The following PCDHGC3 variants were observed in gnomAD, a reference collection of about 807,000 sequenced individuals.
The protein encoded by PCDHGC3 is protocadherin gamma-C3.
Under a neutral mutation model 59.2 loss-of-function variants are expected in PCDHGC3, and 26 were observed. That is an observed-to-expected ratio of 0.44 (90% CI 0.32 to 0.61). The LOEUF (loss-of-function observed/expected upper bound fraction) is 0.61, where lower values mean the gene tolerates loss of function less well. PCDHGC3 is among the 20% of genes least tolerant of loss of function. PCDHGC3 has a pLI of 0.05. For synonymous variants in PCDHGC3, 487 were observed against 519.7 expected (o/e 0.94, Z 0.86); for missense variants, 1,080 against 1,221.8 (o/e 0.88, Z 1.73).
Position 141,491,166 on chromosome 5 carries a change from G to A in PCDHGC3, c.2431-3641G>A. 1 of 1,614,150 alleles carries A rather than the reference G, an allele frequency of 6.2e-7. No individual in the cohort carries two copies. The highest frequency in any genetic ancestry group is 8.5e-7 in the Non-Finnish European group (1 of 1,179,964). ...TACTGGAGGATGACTCTGACACCCA[G>A]CAGGTGGTGGTCCTGGTGAGGGACA... On this transcript the variant is annotated intron_variant, in intron 1 of 3. Transcript: ENST00000308177. The surrounding 1 kb of genome is among the most constrained non-coding windows in gnomAD (Gnocchi z 6.9).
At chr5:141,498,803 C>T (rs916966107) in intron 2 of PCDHGC3, among the ~76,000 whole-genome samples, 5 of 151,982 alleles carry the variant, frequency 3.3e-5, no homozygotes, top group African/African-American at 1.2e-4. Flanking sequence ...TGTGGTGGTG[C>T]ACACCTGTAG....
At chr5:141,484,300 C>G (rs927710366) in intron 1 of PCDHGC3, among the ~76,000 whole-genome samples, 1 of 152,190 alleles carries the variant, frequency 6.6e-6, no homozygotes, top group Non-Finnish European at 1.5e-5. Context: ...CTCCTGGCTT[C>G]CTCCACCCCG....
intron 1 of PCDHGC3, among the ~76,000 whole-genome samples, chr5:141,482,526 C>T (rs1198022164): frequency 1.5e-5 from 1 of 68,582 alleles, no homozygotes; most frequent in African/African-American, 9.7e-5. Flanking sequence ...ATGAGACAGA[C>T]ATGCAAAAAA....
chr5:141,490,405 ATC>A lies in PCDHGC3; in HGVS notation c.2431-4397_2431-4396del, dbSNP rs765446736. 1 of 1,614,142 alleles carries A rather than the reference ATC, an allele frequency of 6.2e-7. No individual in the cohort carries two copies. The highest frequency in any genetic ancestry group is 8.5e-7 in the Non-Finnish European group (1 of 1,180,028). ...TAGAAATGGTGAAGTGAGCCTTGATATCTCTCCGGACCTGCCATTTCAGATTA... is the reference window on the plus strand; with the variant it reads ...TAGAAATGGTGAAGTGAGCCTTGATATCTCCGGACCTGCCATTTCAGATTA... On this transcript the variant is annotated intron_variant, in intron 1 of 3. Transcript: ENST00000308177. The surrounding 1 kb of genome is among the most constrained non-coding windows in gnomAD (Gnocchi z 5.4).
rs756144117 is a variant in PCDHGC3, at chr5:141,485,181, G to A, written c.2430+6635G>A. On this transcript the variant is annotated intron_variant, in intron 1 of 3. Transcript: ENST00000308177. This position sits in a 1 kb window ranked among gnomAD's most constrained non-coding sequence, Gnocchi z 5.7. ...AATTAGCGGGCGGCAGCAATGCTCC[G>A]CAAGGTGAGAAGCTGGACAGAAATC... 3.1e-6 allele frequency: 5 copies of A among 1,612,942 alleles called. No individual in the cohort carries two copies. The South Asian group carries it at 4.4e-5, about 14-fold the overall frequency.
rs1199756501 is a variant in PCDHGC3 at position 141,493,222 on chromosome 5, C to A, written c.2431-1585C>A. Among the ~76,000 whole-genome samples the A allele has an allele frequency of 6.6e-6, 1 of 152,194 alleles. No individual in the cohort carries two copies. Among genetic ancestry groups the A allele is most frequent in the East Asian group, 1.9e-4 (1 of 5,196 alleles). ...ACCTCATCTCATTTGCTCTTCCCAC[C>A]ATTGCTGTTGGCTAGGTACTAACAT... On this transcript the variant is annotated intron_variant, in intron 1 of 3. Coordinates refer to ENST00000308177, the MANE Select transcript of PCDHGC3 (RefSeq NM_002588.4). This position sits in a 1 kb window ranked among gnomAD's most constrained non-coding sequence, Gnocchi z 4.3.
chr5:141,488,606 C>T (rs781116401), intron 1 of PCDHGC3, among the ~76,000 whole-genome samples: 2 of 152,156 alleles, frequency 1.3e-5, no homozygotes, highest in Admixed American at 1.3e-4. Flanking sequence ...TTACAAGGTT[C>T]TTACTAATCT....
chr5:141,505,413 C>T lies in PCDHGC3; in HGVS notation c.2510C>T (p.Thr837Ile), dbSNP rs1240988786. ...CCCAGCTCCCAAAATGGCGATGACA[C>T]CGGCACCTGGCCCAACAACCAGTTT... is the stretch of plus-strand genomic sequence containing the variant. ...GTSGSQNGDD[T>I]GTWPNNQFDT... Residue 837 changes from threonine to isoleucine, a missense_variant, in exon 3 of 4, where the codon ACC becomes ATC. By Grantham distance (89) the Thr-to-Ile change is moderately conservative. Coordinates refer to ENST00000308177, the MANE Select transcript of PCDHGC3 (RefSeq NM_002588.4). 10 of 1,614,202 alleles carry T rather than the reference C, an allele frequency of 6.2e-6. No homozygotes were observed. Among genetic ancestry groups the T allele is most frequent in the Non-Finnish European group, 7.6e-6 (9 of 1,180,046 alleles).
chr5:141,485,930 G>A lies in PCDHGC3; in HGVS notation c.2430+7384G>A. ...ATCCAGCTACAGGATTAGTGTGTTG[G>A]AGAGCGCACCAGCGGGCATGGTGCT... On this transcript the variant is annotated intron_variant, in intron 1 of 3. Transcript: ENST00000308177. This position sits in a 1 kb window ranked among gnomAD's most constrained non-coding sequence, Gnocchi z 5.7. The A allele has an allele frequency of 6.2e-7, 1 of 1,614,178 alleles. No homozygotes were observed. Among genetic ancestry groups the A allele is most frequent in the Non-Finnish European group, 8.5e-7 (1 of 1,180,042 alleles).
chr5:141,505,302 G>GTAC, intron 2 of PCDHGC3, 91 bp from the exon 3 acceptor site: 5 of 1,592,714 alleles, frequency 3.1e-6, no homozygotes, highest in Non-Finnish European at 4.3e-6. Context: ...TAGGGTTAGG[G>GTAC]TACTAGGTTT....
rs747159210 is a variant in PCDHGC3, at chr5:141,511,184, A to C, written c.*11A>C. 1.2e-5 allele frequency: 19 copies of C among 1,613,876 alleles called. No homozygotes were observed. In the Admixed American group the frequency reaches 3.2e-4, roughly 27 times the overall value. ...AAGGAGAAGAAGTAACATGGAGGCC[A>C]GGCCAAGAGCCACAGGGCGGCCTCT... is the stretch of plus-strand genomic sequence containing the variant. On this transcript the variant is annotated 3_prime_UTR_variant, in exon 4 of 4. Transcript: ENST00000308177.
intron 1 of PCDHGC3, among the ~76,000 whole-genome samples, chr5:141,483,203 A>T (rs940487337): frequency 1.3e-5 from 2 of 152,204 alleles, no homozygotes; most frequent in African/African-American, 2.4e-5. Flanking sequence ...ATTTTATTCC[A>T]TATAGATGAC....
chr5:141,492,619 G>A lies in PCDHGC3; in HGVS notation c.2431-2188G>A, dbSNP rs778698501. ...GCGACTGCCGCTCTAAGTGCCGGGC[G>A]GGCAGGACTCTACGATCCTTGGGCC... On this transcript the variant is annotated intron_variant, in intron 1 of 3. Coordinates refer to ENST00000308177, the MANE Select transcript of PCDHGC3 (RefSeq NM_002588.4). 7.8e-4 allele frequency among the ~76,000 whole-genome samples: 118 copies of A among 152,234 alleles called. 1 individual carries two copies. The highest frequency in any genetic ancestry group is 3.3e-3 in the Admixed American group (51 of 15,282).
chr5:141,482,514 G>A (rs2099563611), intron 1 of PCDHGC3, among the ~76,000 whole-genome samples: 1 of 130,122 alleles, frequency 7.7e-6, no homozygotes. Flanking sequence ...CCAGAGTACA[G>A]TATGAGACAG....
chr5:141,500,641 TA>T (rs1306300025), intron 2 of PCDHGC3, among the ~76,000 whole-genome samples: 4 of 152,346 alleles, frequency 2.6e-5, no homozygotes, highest in Middle Eastern at 3.4e-3. Flanking sequence ...ACTAGTTTTT[TA>T]AAAATAGCAA....
intron 2 of PCDHGC3, among the ~76,000 whole-genome samples, chr5:141,497,603 G>A (rs1045138662): frequency 3.3e-5 from 5 of 149,832 alleles, no homozygotes; most frequent in Non-Finnish European, 7.4e-5. Context: ...GCAGTGGTGC[G>A]ATCTTGGCTC....
rs10040701 is a variant in PCDHGC3 at position 141,508,490 on chromosome 5, A to G, written c.2579-2457A>G. ...TCTTTCTTTTACATTCTGGATTTCC[A>G]TATCTTCTCTCCCTCCTGGTCCAGC... On this transcript the variant is annotated intron_variant, in intron 3 of 3. Transcript: ENST00000308177. Among the ~76,000 whole-genome samples, 377 of 152,202 alleles carry G rather than the reference A, an allele frequency of 2.5e-3. 1 individual carries two copies. The highest frequency in any genetic ancestry group is 8.6e-3 in the African/African-American group (358 of 41,530).
Position 141,489,276 on chromosome 5 carries a change from AT to A in PCDHGC3, c.2431-5530del, listed in dbSNP as rs2099684949. 1.9e-6 allele frequency: 3 copies of A among 1,556,004 alleles called. No homozygotes were observed. Among genetic ancestry groups the A allele is most frequent in the Non-Finnish European group, 2.6e-6 (3 of 1,151,570 alleles). ...AGACACTCCCACAGCTCGCTGGGAA[AT>A]GGCAAGTGCTGTGCATGTTGTCCTT... On this transcript the variant is annotated intron_variant, in intron 1 of 3. Coordinates refer to ENST00000308177, the MANE Select transcript of PCDHGC3 (RefSeq NM_002588.4). This position sits in a 1 kb window ranked among gnomAD's most constrained non-coding sequence, Gnocchi z 4.5.
At chr5:141,480,763 A>G (rs541754723) in intron 1 of PCDHGC3, among the ~76,000 whole-genome samples, 1 of 152,308 alleles carries the variant, frequency 6.6e-6, no homozygotes, top group East Asian at 1.9e-4. Flanking sequence ...GAAGGTCCCC[A>G]CTTGATCCTA....
Sources: allele counts gnomAD v4.1 joint callset (sites outside exome capture counted in the v4.1 genomes callset), GRCh38; gene constraint gnomAD v4.1.1; non-coding constraint Gnocchi (gnomAD v3.1); transcripts MANE v1.5; gene names NCBI Gene and HGNC (gene_info 2026-07-23, HGNC 2026-07-21).